Variants in ZNF821 observed in about 807,000 individuals in gnomAD.
ZNF821 encodes the protein zinc finger protein 821.
ZNF821 carries 16 observed loss-of-function variants against 44.3 expected under a neutral mutation model. The observed-to-expected ratio is 0.36, with a 90% CI of 0.24 to 0.55. ZNF821 has a LOEUF of 0.55. Ranked by LOEUF, ZNF821 falls within the 20% of genes least tolerant of loss-of-function variation. The probability of loss-of-function intolerance (pLI) is 0.86; values close to 1 mark genes in which losing one functional copy is unlikely to be tolerated. For synonymous variants in ZNF821, 204 were observed against 197.6 expected, an observed-to-expected ratio of 1.03 and a Z score of -0.27; for missense variants, 436 against 547.6, an observed-to-expected ratio of 0.80 and a Z score of 2.03.
In ZNF821 at chr16:71,868,001, C is replaced by T. The variant is rs769813579; in HGVS notation, c.77G>A (p.Arg26His). The stretch of plus-strand genomic sequence containing the variant: ...AAAATCAGTTTTCATCATCGCCTGG[C>T]GGGCTTGCTCTTCTAGCCCAGCAAA... ...QVFAGLEEQA[R>H]QAMMKTDFPG... is the part of the protein sequence containing the mutation. Residue 26 changes from arginine to histidine, a missense_variant, in exon 4 of 8, where the codon CGC becomes CAC. This residue lies in a region of ZNF821 where 238 missense variants were observed against 281.4 expected (regional missense o/e 0.85). Coordinates refer to ENST00000425432, the MANE Select transcript of ZNF821 (RefSeq NM_001201552.2). The T allele has an allele frequency of 1.7e-5, 26 of 1,535,758 alleles. No individual in the cohort carries two copies. Among genetic ancestry groups the T allele is most frequent in the Non-Finnish European group, 2.0e-5 (23 of 1,146,812 alleles).
chr16:71,865,097 C>T (rs1365816861), intron 4 of ZNF821, 49 bp from the exon 5 acceptor site: 15 of 1,611,432 alleles, frequency 9.3e-6, no homozygotes, highest in Non-Finnish European at 1.3e-5. Context: ...ATGAATACAT[C>T]CTGAGCTGCT....
chr16:71,863,521 G>C (rs1326163993), intron 6 of ZNF821, among the ~76,000 whole-genome samples: 1 of 150,272 alleles, frequency 6.7e-6, no homozygotes, highest in African/African-American at 2.5e-5. Context: ...CAAGTAACTG[G>C]TACTACAGGT....
In ZNF821 at chr16:71,864,893, C is replaced by T. The variant is rs376949925; in HGVS notation, c.312+10G>A. 18 of 1,613,880 alleles carry T rather than the reference C, an allele frequency of 1.1e-5. No individual in the cohort carries two copies. In the Admixed American group the frequency reaches 2.5e-4, roughly 22 times the overall value. On this transcript the variant is annotated intron_variant, in intron 5 of 7. Coordinates refer to ENST00000425432, the MANE Select transcript of ZNF821 (RefSeq NM_001201552.2). ...TGCTGGACCTGGACCCAGGGGCCAT[C>T]GTCACTTGCCTCGTGCTCTACCACT...
chr16:71,878,747 T>G (rs889758220), intron 3 of ZNF821, among the ~76,000 whole-genome samples: 1 of 151,914 alleles, frequency 6.6e-6, no homozygotes, highest in East Asian at 1.9e-4. Context: ...CTCGCCAACA[T>G]GGTGAAACCC....
chr16:71,879,184 A>G (rs1013939884), intron 3 of ZNF821, among the ~76,000 whole-genome samples: 4 of 152,144 alleles, frequency 2.6e-5, no homozygotes, highest in African/African-American at 9.7e-5. Context: ...AGAGTTAAGC[A>G]TCTCTAACCT....
Position 71,860,546 on chromosome 16 carries a change from C to A in ZNF821, c.711G>T (p.Val237=), listed in dbSNP as rs867202126. ...TACGGTAGGCAGCACAGTTGTTGCACACAAGCAGAATTCCAGCAGGGTACA... is the reference window on the plus strand; with the variant it reads ...TACGGTAGGCAGCACAGTTGTTGCAAACAAGCAGAATTCCAGCAGGGTACA... ...PPVYPAGILL[V]CNNCAAYRKL... is the part of the protein sequence containing the mutation. The change falls in exon 8 of 8, where the codon GTG becomes GTT. Residue 237 remains valine, a synonymous_variant. Transcript: ENST00000425432. This position sits in a 1 kb window ranked among gnomAD's most constrained non-coding sequence, Gnocchi z 7.3. 1.9e-6 allele frequency: 3 copies of A among 1,614,026 alleles called. No homozygotes were observed. The highest frequency in any genetic ancestry group is 1.3e-5 in the African/African-American group (1 of 74,908).
intron 3 of ZNF821, among the ~76,000 whole-genome samples, chr16:71,878,764 T>C (rs1024428727): frequency 1.7e-4 from 26 of 152,034 alleles, no homozygotes; most frequent in African/African-American, 6.3e-4. Flanking sequence ...ACCCTGTCTC[T>C]ACTAAAAATA....
intron 5 of ZNF821, 52 bp from the exon 6 acceptor site, chr16:71,864,294 C>G (rs764649016): frequency 1.3e-6 from 2 of 1,518,306 alleles, no homozygotes; most frequent in Non-Finnish European, 1.8e-6. Flanking sequence ...CATCTCTTCC[C>G]TGCCCCAGCT....
intron 3 of ZNF821, among the ~76,000 whole-genome samples, chr16:71,872,981 T>C (rs568471163): frequency 1.3e-4 from 20 of 152,326 alleles, no homozygotes; most frequent in Admixed American, 3.9e-4. Flanking sequence ...TAAATGAAAG[T>C]GTACAACACA....
exon 1 of ZNF821, chr16:71,895,253 G>A (rs979980426): frequency 6.3e-6 from 1 of 158,564 alleles, no homozygotes; most frequent in Non-Finnish European, 1.4e-5. Context: ...CAACAGCTGT[G>A]GCTGGCCTCC....
chr16:71,867,961 G>C lies in ZNF821; in HGVS notation c.117C>G (p.Gly39=), dbSNP rs972565907. The change falls in exon 4 of 8, where the codon GGC becomes GGG. Residue 39 remains glycine (G), a synonymous_variant. Transcript: ENST00000425432. ...MMKTDFPGDL[G]SQRQAIQQLR... ...GTTGTTGGATAGCTTGTCGCTGACT[G>C]CCAAGGTCTCCAGGAAAATCAGTTT... The C allele has an allele frequency of 4.6e-6, 7 of 1,535,900 alleles. No individual in the cohort carries two copies.
intron 1 of ZNF821, among the ~76,000 whole-genome samples, chr16:71,890,141 T>G (rs1275894892): frequency 6.6e-6 from 1 of 152,210 alleles, no homozygotes; most frequent in East Asian, 1.9e-4. Context: ...TCTGAAGACT[T>G]GTTTCATGGG....
Position 71,867,753 on chromosome 16 carries a change from T to C in ZNF821, c.166+159A>G, listed in dbSNP as rs1042009079. ...TGTCCTCTTTTTCTGGATAAACACATGCCCACACACCTTAGACCACCTTTG... is the reference window on the plus strand; with the variant it reads ...TGTCCTCTTTTTCTGGATAAACACACGCCCACACACCTTAGACCACCTTTG... On this transcript the variant is annotated intron_variant, in intron 4 of 7. Transcript: ENST00000425432. 85 of 747,764 alleles carry C rather than the reference T, an allele frequency of 1.1e-4. No individual in the cohort carries two copies. The South Asian group carries it at 3.1e-3, about 28-fold the overall frequency. 46.3% of individuals were successfully genotyped at this position (747,764 alleles called of 1,614,324 possible).
chr16:71,864,039 C>T (rs1209984694), intron 6 of ZNF821, 99 bp downstream of exon 6: 2 of 1,070,644 alleles, frequency 1.9e-6, no homozygotes, highest in Non-Finnish European at 2.9e-6. Context: ...CCCAAGACTC[C>T]TTCAGGAGCC....
intron 1 of ZNF821, among the ~76,000 whole-genome samples, chr16:71,892,178 C>CA (rs560376648): frequency 0.075 from 2,371 of 31,818 alleles, 633 homozygotes; most frequent in Middle Eastern, 0.29. Context: ...AACTCCGTCT[C>CA]AAAAAAAAAA....
chr16:71,860,007 G>T lies in ZNF821; in HGVS notation c.*11C>A. ...GGTAGGTGGGAAGGAGGGCAGGCAGGAGGGTGTGGTTCAGTGCAGAGAGCT... is the reference window on the plus strand; with the variant it reads ...GGTAGGTGGGAAGGAGGGCAGGCAGTAGGGTGTGGTTCAGTGCAGAGAGCT... On this transcript the variant is annotated 3_prime_UTR_variant, in exon 8 of 8. Transcript: ENST00000425432. This position sits in a 1 kb window ranked among gnomAD's most constrained non-coding sequence, Gnocchi z 7.3. 6.4e-7 allele frequency: 1 copy of T among 1,568,558 alleles called. No individual in the cohort carries two copies. Among genetic ancestry groups the T allele is most frequent in the East Asian group, 2.3e-5 (1 of 44,400 alleles).
intron 1 of ZNF821, among the ~76,000 whole-genome samples, chr16:71,890,851 A>G (rs1337858361): frequency 7.6e-6 from 1 of 132,354 alleles, no homozygotes; most frequent in African/African-American, 3.0e-5. Flanking sequence ...GGCTCACTGC[A>G]AGCTCCGCCT....
chr16:71,892,020 AATT>A (rs2036888783), intron 1 of ZNF821, among the ~76,000 whole-genome samples: 3 of 137,952 alleles, frequency 2.2e-5, no homozygotes, highest in South Asian at 2.2e-4. Context: ...AAAAAAAAAA[AATT>A]AGCTGGACTT....
In ZNF821 at chr16:71,890,237, T is replaced by C. The variant is rs565770849; in HGVS notation, n.448+4652A>G. On this transcript the variant is annotated intron_variant and non_coding_transcript_variant, in intron 1 of 2. Coordinates refer to the ZNF821 transcript ENST00000561700. ...TCCTATATCCTTGTATATTCTTTTT[T>C]TTATTGTTTTTCTTCTTTTTCTTTT... Among the ~76,000 whole-genome samples, 124 of 151,650 alleles carry C rather than the reference T, an allele frequency of 8.2e-4. 1 individual carries two copies. The highest frequency in any genetic ancestry group is 2.9e-3 in the African/African-American group (119 of 40,966).
Sources: gnomAD v4.1 joint callset for allele counts (sites outside exome capture counted in the v4.1 genomes callset) on GRCh38, gnomAD v4.1.1 for gene constraint, gnomAD v4.1.1 regional missense constraint, Gnocchi (gnomAD v3.1) non-coding constraint, MANE v1.5 for transcripts, NCBI Gene and HGNC (gene_info 2026-07-23, HGNC 2026-07-21) for gene names.